IQCH: variants seen among roughly 807,000 people sequenced by gnomAD.
The protein encoded by IQCH is IQ domain-containing protein H.
In IQCH, 98 loss-of-function variants were observed where a neutral mutation model predicts 117.0. The observed-to-expected ratio is 0.84, with a 90% CI of 0.71 to 0.99. The LOEUF is 0.99. IQCH is among the 50% of genes least tolerant of loss of function. The pLI, the probability that IQCH is intolerant of heterozygous loss-of-function variation, is 0.00. For synonymous variants in IQCH, 412 were observed against 448.2 expected, an observed-to-expected ratio of 0.92 and a Z score of 1.02; for missense variants, 1,102 against 1,243.8, an observed-to-expected ratio of 0.89 and a Z score of 1.72.
chr15:67,447,621 G>C lies in IQCH; in HGVS notation c.2506-17506G>C, dbSNP rs768749502. Among the ~76,000 whole-genome samples, 6 of 152,136 alleles carry C rather than the reference G, an allele frequency of 3.9e-5. No homozygotes were observed. Among genetic ancestry groups the C allele is most frequent in the Non-Finnish European group, 7.4e-5 (5 of 68,024 alleles). The stretch of plus-strand genomic sequence containing the variant: ...AGGGAGCCCCACACCACAGAAGGAG[G>C]CTAGAGTGCTTGGAGTCCCCTGGGG... On this transcript the variant is annotated intron_variant, in intron 16 of 20. Transcript: ENST00000335894. This position sits in a 1 kb window ranked among gnomAD's most constrained non-coding sequence, Gnocchi z 5.3.
intron 8 of IQCH, among the ~76,000 whole-genome samples, chr15:67,368,940 C>G (rs1970426532): frequency 6.6e-6 from 1 of 152,110 alleles, no homozygotes; most frequent in Non-Finnish European, 1.5e-5. Context: ...GGCTGGAGTG[C>G]AGTGGTGTGA....
Position 67,494,514 on chromosome 15 carries a change from T to C in IQCH, c.2970+148T>C. The C allele has an allele frequency of 4.4e-6, 2 of 451,248 alleles. No individual in the cohort carries two copies. 28.0% of individuals were successfully genotyped at this position (451,248 alleles called of 1,614,324 possible). On this transcript the variant is annotated intron_variant, in intron 20 of 20. Transcript: ENST00000335894. This position sits in a 1 kb window ranked among gnomAD's most constrained non-coding sequence, Gnocchi z 5.5. ...AGTGTGCAGGGTCAATACTGTAAGG[T>C]TCCCACTGAGGCTGTTAGTTAAATT...
chr15:67,297,353 A>G (rs1966858968), intron 4 of IQCH, among the ~76,000 whole-genome samples: 1 of 152,164 alleles, frequency 6.6e-6, no homozygotes, highest in African/African-American at 2.4e-5. Flanking sequence ...TTCTAATTTC[A>G]TCTATTCCCT....
At position 67,370,029 on chromosome 15, in the gene IQCH, C is replaced by G. The variant is rs1320371536; in HGVS notation, c.754-2082C>G. 6.6e-6 allele frequency among the ~76,000 whole-genome samples: 1 copy of G among 152,156 alleles called. No homozygotes were observed. ...AAGGTGTAATCCCTTTGTTCTAAAA[C>G]AGCCACTGATAAATTTTGCTCCCAC... On this transcript the variant is annotated intron_variant, in intron 8 of 20. Transcript: ENST00000335894. This position sits in a 1 kb window ranked among gnomAD's most constrained non-coding sequence, Gnocchi z 5.6.
rs1331456243 is a variant in IQCH at position 67,425,247 on chromosome 15, C to A, written c.2505+3670C>A. On this transcript the variant is annotated intron_variant, in intron 16 of 20. Coordinates refer to ENST00000335894, the MANE Select transcript of IQCH (RefSeq NM_001031715.3). This position sits in a 1 kb window ranked among gnomAD's most constrained non-coding sequence, Gnocchi z 5.5. ...TTGACTATTATACATCTTGTAAATA[C>A]CTTCTCTCAGATTGTCATTTGTGGC... Among the ~76,000 whole-genome samples, 3 of 152,138 alleles carry A rather than the reference C, an allele frequency of 2.0e-5. No homozygotes were observed. The East Asian group carries it at 5.8e-4, about 29-fold the overall frequency.
intron 5 of IQCH, among the ~76,000 whole-genome samples, chr15:67,340,426 C>A (rs200278541): frequency 1.6e-5 from 1 of 62,664 alleles, no homozygotes; most frequent in Non-Finnish European, 2.7e-5. Flanking sequence ...TACTCCATCT[C>A]AAAAAAAAAA....
chr15:67,280,922 C>G (rs1165196678), intron 4 of IQCH, among the ~76,000 whole-genome samples: 1 of 152,128 alleles, frequency 6.6e-6, no homozygotes, highest in Non-Finnish European at 1.5e-5. Flanking sequence ...TCTCGGCTCA[C>G]TGCAACCTCT....
At chr15:67,402,800 C>T (rs901127946) in intron 14 of IQCH, among the ~76,000 whole-genome samples, 1 of 152,192 alleles carries the variant, frequency 6.6e-6, no homozygotes, top group Non-Finnish European at 1.5e-5. Flanking sequence ...GTTTATGATA[C>T]GATACCGTGA....
chr15:67,272,543 T>G (rs1481054007), intron 3 of IQCH, among the ~76,000 whole-genome samples: 1 of 152,210 alleles, frequency 6.6e-6, no homozygotes, highest in Non-Finnish European at 1.5e-5. Context: ...TTACTATTAT[T>G]GTGTTGCAAT....
chr15:67,490,290 C>T lies in IQCH; in HGVS notation c.2861+226C>T, dbSNP rs1488841709. Among the ~76,000 whole-genome samples the T allele has an allele frequency of 6.6e-6, 1 of 152,148 alleles. No individual in the cohort carries two copies. The highest frequency in any genetic ancestry group is 1.5e-5 in the Non-Finnish European group (1 of 68,022). ...GCGCGATCTCAGCTCACTGCAACCT[C>T]CACCTCCCGGGTTCAAGCGATTCTC... is the stretch of plus-strand genomic sequence containing the variant. On this transcript the variant is annotated intron_variant, in intron 19 of 20. Coordinates refer to ENST00000335894, the MANE Select transcript of IQCH (RefSeq NM_001031715.3). The surrounding 1 kb of genome is among the most constrained non-coding windows in gnomAD (Gnocchi z 4.9).
rs1239251573 is a variant in IQCH, at chr15:67,448,119, G to A, written c.2506-17008G>A. 2.0e-5 allele frequency among the ~76,000 whole-genome samples: 3 copies of A among 151,814 alleles called. No homozygotes were observed. In the East Asian group the frequency reaches 5.8e-4, roughly 29 times the overall value. On this transcript the variant is annotated intron_variant, in intron 16 of 20. Coordinates refer to ENST00000335894, the MANE Select transcript of IQCH (RefSeq NM_001031715.3). ...CACACTCAACTAGATTCAAACAAGTGACCATATACATTGTACAGGTATCCA... is the reference window on the plus strand; with the variant it reads ...CACACTCAACTAGATTCAAACAAGTAACCATATACATTGTACAGGTATCCA...
chr15:67,390,112 G>A lies in IQCH; in HGVS notation c.1632+1106G>A, dbSNP rs571544583. On this transcript the variant is annotated intron_variant, in intron 12 of 20. Transcript: ENST00000335894. This position sits in a 1 kb window ranked among gnomAD's most constrained non-coding sequence, Gnocchi z 5.0. Reference sequence around the variant, plus strand: ...TCTGACTGTGAAAGAGGAAGGTAAGGACAGGGGCTGGGGAAGCAAAAGAAA... The same window carrying A: ...TCTGACTGTGAAAGAGGAAGGTAAGAACAGGGGCTGGGGAAGCAAAAGAAA... Among the ~76,000 whole-genome samples the A allele has an allele frequency of 6.6e-6, 1 of 152,290 alleles. No individual in the cohort carries two copies. Among genetic ancestry groups the A allele is most frequent in the South Asian group, 2.1e-4 (1 of 4,824 alleles).
chr15:67,283,083 A>G (rs751521518), intron 4 of IQCH, among the ~76,000 whole-genome samples: 52 of 152,200 alleles, frequency 3.4e-4, no homozygotes, highest in Non-Finnish European at 7.1e-4. Context: ...GGCGAAATCA[A>G]TATGGACTCC....
chr15:67,403,973 T>A lies in IQCH; in HGVS notation c.2097+3668T>A, dbSNP rs939897249. 1 of 152,246 alleles carries A rather than the reference T, an allele frequency of 6.6e-6. No homozygotes were observed. Among genetic ancestry groups the A allele is most frequent in the African/African-American group, 2.4e-5 (1 of 41,456 alleles). 9.4% of individuals were successfully genotyped at this position (152,246 alleles called of 1,614,324 possible). On this transcript the variant is annotated intron_variant, in intron 14 of 20. Transcript: ENST00000335894. This position sits in a 1 kb window ranked among gnomAD's most constrained non-coding sequence, Gnocchi z 4.8. Reference sequence around the variant, plus strand: ...GTTGGGCCTCTGTTACCCTGGAGATTCTGGGATGTGGTCTTGGCATTACTA... The same window carrying A: ...GTTGGGCCTCTGTTACCCTGGAGATACTGGGATGTGGTCTTGGCATTACTA...
At chr15:67,319,706 A>T (rs1170810516) in intron 4 of IQCH, among the ~76,000 whole-genome samples, 1 of 152,200 alleles carries the variant, frequency 6.6e-6, no homozygotes. Flanking sequence ...ACTTGTTACT[A>T]CTTTTAATAC....
At chr15:67,446,938 A>T (rs1482640442) in intron 16 of IQCH, among the ~76,000 whole-genome samples, 1 of 151,990 alleles carries the variant, frequency 6.6e-6, no homozygotes, top group Non-Finnish European at 1.5e-5. Context: ...CAATTGGGGG[A>T]GCTTCTTGCT....
rs1971048727 is a variant in IQCH at position 67,384,651 on chromosome 15, A to C, written c.1373-285A>C. ...TGTAAACATTCATATTGCATGTCAG[A>C]AATTTTCTCCATGTTTTGTCATCTT... is the stretch of plus-strand genomic sequence containing the variant. On this transcript the variant is annotated intron_variant, in intron 10 of 20. Coordinates refer to ENST00000335894, the MANE Select transcript of IQCH (RefSeq NM_001031715.3). The surrounding 1 kb of genome is among the most constrained non-coding windows in gnomAD (Gnocchi z 4.3). Among the ~76,000 whole-genome samples, 1 of 152,022 alleles carries C rather than the reference A, an allele frequency of 6.6e-6. No homozygotes were observed. The highest frequency in any genetic ancestry group is 2.4e-5 in the African/African-American group (1 of 41,406).
rs2083104419 is a variant in IQCH, at chr15:67,472,833, C to G, written c.2677-2863C>G. On this transcript the variant is annotated intron_variant, in intron 17 of 20. Coordinates refer to ENST00000335894, the MANE Select transcript of IQCH (RefSeq NM_001031715.3). The surrounding 1 kb of genome is among the most constrained non-coding windows in gnomAD (Gnocchi z 4.3). ...GGTTGGGAGACATGTACCAAATATC[C>G]TGGCTCTTCCTTCAGATTCTTTATG... 1.3e-5 allele frequency among the ~76,000 whole-genome samples: 2 copies of G among 152,296 alleles called. No individual in the cohort carries two copies. Among genetic ancestry groups the G allele is most frequent in the Admixed American group, 1.3e-4 (2 of 15,304 alleles).
Position 67,473,998 on chromosome 15 carries a change from G to T in IQCH, c.2677-1698G>T, listed in dbSNP as rs904248641. 6.6e-6 allele frequency among the ~76,000 whole-genome samples: 1 copy of T among 151,652 alleles called. No homozygotes were observed. The highest frequency in any genetic ancestry group is 1.5e-5 in the Non-Finnish European group (1 of 67,966). ...TTCGGACACAGGACTTGATGTAAAT[G>T]TTGAAGAAAAACATGCTCCCCCCAT... On this transcript the variant is annotated intron_variant, in intron 17 of 20. Coordinates refer to ENST00000335894, the MANE Select transcript of IQCH (RefSeq NM_001031715.3). The surrounding 1 kb of genome is among the most constrained non-coding windows in gnomAD (Gnocchi z 4.9).
Sources: gnomAD v4.1 joint callset for allele counts (sites outside exome capture counted in the v4.1 genomes callset) on GRCh38, gnomAD v4.1.1 for gene constraint, Gnocchi (gnomAD v3.1) non-coding constraint, MANE v1.5 for transcripts, NCBI Gene and HGNC (gene_info 2026-07-23, HGNC 2026-07-21) for gene names.